Variants in MTMR7 observed in about 807,000 individuals in gnomAD.
The protein encoded by MTMR7 is phosphatidylinositol-3-phosphate phosphatase MTMR7.
A neutral mutation model predicts 81.2 loss-of-function variants in MTMR7; 76 were observed. The observed-to-expected ratio is 0.94, with a 90% CI of 0.78 to 1.13. The LOEUF (loss-of-function observed/expected upper bound fraction) is 1.13, where lower values mean the gene tolerates loss of function less well. MTMR7 is among the 50% of genes most tolerant of loss of function. The probability of loss-of-function intolerance (pLI) is 0.00; values close to 1 mark genes in which losing one functional copy is unlikely to be tolerated. For missense variants in MTMR7, 1,044 were observed against 820.0 expected, an observed-to-expected ratio of 1.27 and a Z score of -3.34; for synonymous variants, 372 against 289.8, an observed-to-expected ratio of 1.28 and a Z score of -2.88.
intron 1 of MTMR7, among the ~76,000 whole-genome samples, chr8:17,379,901 G>C (rs1013886919): frequency 6.6e-6 from 1 of 152,108 alleles, no homozygotes; most frequent in Non-Finnish European, 1.5e-5. Flanking sequence ...TTTCATTGCA[G>C]TATCAACCCT....
chr8:17,400,590 TGTC>T (rs1169300831), intron 1 of MTMR7, among the ~76,000 whole-genome samples: 1 of 152,196 alleles, frequency 6.6e-6, no homozygotes, highest in Non-Finnish European at 1.5e-5. Context: ...TGGTTTTTCT[TGTC>T]GTTGCAATTT....
At chr8:17,412,655 C>T (rs147252272) in intron 1 of MTMR7, among the ~76,000 whole-genome samples, 1 of 152,276 alleles carries the variant, frequency 6.6e-6, no homozygotes, top group East Asian at 1.9e-4. Flanking sequence ...TAAGCTGCAT[C>T]CTTTTCTCTA....
Position 17,361,119 on chromosome 8 carries a change from T to G in MTMR7, c.466A>C (p.Arg156=). ...GTGTTTGGGTTTCACGCACTCACTCTGTAGTCTCTATTCACATCGCTGAGC... is the reference window on the plus strand; with the variant it reads ...GTGTTTGGGTTTCACGCACTCACTCGGTAGTCTCTATTCACATCGCTGAGC... ...WQLSDVNRDY[R]VCDSYPTELY... The change falls in exon 4 of 14, where the codon AGA becomes CGA. Residue 156 remains arginine, a splice_region_variant and synonymous_variant. Transcript: ENST00000180173. The G allele has an allele frequency of 6.2e-7, 1 of 1,614,160 alleles. No homozygotes were observed. The highest frequency in any genetic ancestry group is 8.5e-7 in the Non-Finnish European group (1 of 1,180,024).
chr8:17,342,320 C>G (rs1322386030), intron 5 of MTMR7, among the ~76,000 whole-genome samples: 2 of 152,152 alleles, frequency 1.3e-5, no homozygotes, highest in African/African-American at 4.8e-5. Flanking sequence ...AATAAAATGC[C>G]TGAATGACTC....
chr8:17,391,197 T>C (rs1183644184), intron 1 of MTMR7, among the ~76,000 whole-genome samples: 4 of 152,118 alleles, frequency 2.6e-5, no homozygotes, highest in African/African-American at 7.2e-5. Context: ...GCCCAGTAGA[T>C]GGACAAACCT....
intron 6 of MTMR7, among the ~76,000 whole-genome samples, chr8:17,336,695 G>A (rs1019653947): frequency 2.0e-5 from 3 of 152,170 alleles, no homozygotes; most frequent in Non-Finnish European, 4.4e-5. Flanking sequence ...AAGGCCAGGC[G>A]TCACGGAGGC....
intron 7 of MTMR7, among the ~76,000 whole-genome samples, 194 bp downstream of exon 7, chr8:17,330,956 G>A (rs1485833240): frequency 6.6e-6 from 1 of 152,166 alleles, no homozygotes; most frequent in Non-Finnish European, 1.5e-5. Context: ...ACCACCAAGC[G>A]ACAAAACCAC....
intron 1 of MTMR7, among the ~76,000 whole-genome samples, chr8:17,378,278 C>T (rs1304447132): frequency 6.6e-6 from 1 of 152,098 alleles, no homozygotes; most frequent in Non-Finnish European, 1.5e-5. Context: ...CCCAGAGATA[C>T]TAACAATTAA....
intron 6 of MTMR7, among the ~76,000 whole-genome samples, chr8:17,336,149 G>C (rs1426657699): frequency 6.6e-6 from 1 of 152,148 alleles, no homozygotes. Flanking sequence ...TGGAGGTAGG[G>C]AGTACACATC....
intron 3 of MTMR7, among the ~76,000 whole-genome samples, chr8:17,363,455 G>A (rs976476164): frequency 7.9e-5 from 12 of 152,154 alleles, no homozygotes; most frequent in Non-Finnish European, 1.5e-4. Flanking sequence ...AGTTTTCTGC[G>A]TGTGGGCTGA....
intron 10 of MTMR7, among the ~76,000 whole-genome samples, chr8:17,306,187 G>C (rs905750388): frequency 4.6e-5 from 7 of 152,120 alleles, no homozygotes; most frequent in Non-Finnish European, 8.8e-5. Context: ...AGTTACAAAA[G>C]AAAGTGTTAG....
chr8:17,413,270 T>G lies in MTMR7; in HGVS notation c.23A>C (p.Lys8Thr), dbSNP rs759552588. 1 of 1,548,222 alleles carries G rather than the reference T, an allele frequency of 6.5e-7. No homozygotes were observed. Among genetic ancestry groups the G allele is most frequent in the Non-Finnish European group, 8.7e-7 (1 of 1,145,068 alleles). The change falls in exon 1 of 14, where the codon AAG becomes ACG. Residue 8 changes from lysine (K) to threonine (T), a missense_variant and splice_region_variant. Coordinates refer to ENST00000180173, the MANE Select transcript of MTMR7 (RefSeq NM_004686.5). ...TCCGCCCGCGCTGGTGTCACCAACC[T>G]TGGGCGTACGGATGTGCTCCATGGC... MEHIRTP[K>T]VENVRLVDRV...
Position 17,302,212 on chromosome 8 carries a change from A to G in MTMR7, c.1562T>C (p.Leu521Pro). The G allele has an allele frequency of 6.2e-7, 1 of 1,614,042 alleles. No homozygotes were observed. The highest frequency in any genetic ancestry group is 8.5e-7 in the Non-Finnish European group (1 of 1,179,962). The change falls in exon 13 of 14, where the codon CTA (leucine) becomes CCA (proline). Residue 521 changes from leucine (L) to proline (P), a missense_variant. Leu to Pro is a moderately conservative substitution (Grantham distance 98). Coordinates refer to ENST00000180173, the MANE Select transcript of MTMR7 (RefSeq NM_004686.5). ...MQPRQSVTDY[L>P]MAVKEETQQL... The stretch of plus-strand genomic sequence containing the variant: ...CTGAGTTTCTTCCTTCACTGCCATT[A>G]GGTAATCTGTAACTGACTGTCGGGG...
At chr8:17,319,756 G>A (rs1818285351) in intron 7 of MTMR7, among the ~76,000 whole-genome samples, 1 of 152,156 alleles carries the variant, frequency 6.6e-6, no homozygotes, top group African/African-American at 2.4e-5. Flanking sequence ...GTGGTGAGAC[G>A]AGGCTCCAGT....
rs1331329290 is a variant in MTMR7 at position 17,347,196 on chromosome 8, A to G, written c.597+1757T>C. Among the ~76,000 whole-genome samples, 7 of 129,442 alleles carry G rather than the reference A, an allele frequency of 5.4e-5. No individual in the cohort carries two copies. In the East Asian group the frequency reaches 6.4e-4, roughly 12 times the overall value. The allele number at this position is 129,442 out of a possible 152,430, so 84.9% of individuals were successfully genotyped here. A position where few individuals can be genotyped will look rare whatever the true frequency, so the allele number is the denominator to read the frequency against. On this transcript the variant is annotated intron_variant, in intron 5 of 13. Transcript: ENST00000180173. ...GGCGACAAGTGAGATCTTGTTTCCG[A>G]AAAAAAAAAAAAAAAATCACATCTT...
Position 17,311,501 on chromosome 8 carries a change from C to T in MTMR7, c.1101+10G>A. On this transcript the variant is annotated intron_variant, in intron 9 of 13. Coordinates refer to ENST00000180173, the MANE Select transcript of MTMR7 (RefSeq NM_004686.5). ...ACCGCCTGTGGGAATCGCCCAGTGG[C>T]CACACTCACCATGAAGCCCTTCAGA... The T allele has an allele frequency of 6.2e-7, 1 of 1,614,066 alleles. No homozygotes were observed. The highest frequency in any genetic ancestry group is 8.5e-7 in the Non-Finnish European group (1 of 1,180,014).
rs116742022 is a variant in MTMR7, at chr8:17,311,912, G to A, written c.976-276C>T. The A allele has an allele frequency of 3.1e-3, 1,065 of 338,242 alleles. 13 individuals carry two copies. Among genetic ancestry groups the A allele is most frequent in the African/African-American group, 0.02 (970 of 47,910 alleles). The allele number at this position is 338,242 out of a possible 1,614,324, so 21.0% of individuals were successfully genotyped here. On this transcript the variant is annotated intron_variant, in intron 8 of 13. Transcript: ENST00000180173. ...TACTAAACATAAGCATTCGTCCTAT[G>A]CAAACGGACCTTCAACCCTCTTCCC...
Position 17,311,620 on chromosome 8 carries a change from C to A in MTMR7, c.992G>T (p.Gly331Val), listed in dbSNP as rs200563522. The change falls in exon 9 of 14, where the codon GGG (glycine) becomes GTG (valine). Residue 331 changes from glycine to valine, a missense_variant. Transcript: ENST00000180173. ...IFIAKAVSEE[G>V]ASVLVHCSDG... ...AGAACAGTGAACAAGCACACTTGCC[C>A]CTTCCTCTGACACTGCCTAGAAAAC... 3 of 1,614,092 alleles carry A rather than the reference C, an allele frequency of 1.9e-6. No individual in the cohort carries two copies. The highest frequency in any genetic ancestry group is 1.7e-6 in the Non-Finnish European group (2 of 1,180,016).
chr8:17,317,933 T>C (rs1287695765), intron 7 of MTMR7, among the ~76,000 whole-genome samples: 1 of 152,164 alleles, frequency 6.6e-6, no homozygotes, highest in Non-Finnish European at 1.5e-5. Flanking sequence ...TTCATTCTCA[T>C]TTCAGTGGGA....
Sources: gnomAD v4.1 joint callset for allele counts (sites outside exome capture counted in the v4.1 genomes callset) on GRCh38, gnomAD v4.1.1 for gene constraint, MANE v1.5 for transcripts, NCBI Gene and HGNC (gene_info 2026-07-23, HGNC 2026-07-21) for gene names.